The following ZFP30 variants were observed in gnomAD, a reference collection of about 807,000 sequenced individuals.
ZFP30 encodes zinc finger protein 30 homolog.
In ZFP30, 16 loss-of-function variants were observed where a neutral mutation model predicts 12.3. That is an observed-to-expected ratio of 1.30 (90% CI 0.88 to 1.98). The LOEUF (loss-of-function observed/expected upper bound fraction) is 1.98. Among genes scored for constraint, ZFP30 ranks in the 30% most tolerant of loss-of-function variants. ZFP30 has a pLI of 0.00. For synonymous variants in ZFP30, 172 were observed against 201.0 expected (o/e 0.86, Z 1.22); for missense variants, 560 against 611.2 (o/e 0.92, Z 0.88).
intron 5 of ZFP30, among the ~76,000 whole-genome samples, chr19:37,637,644 C>T (rs2044357484): frequency 6.6e-6 from 1 of 152,048 alleles, no homozygotes; most frequent in Non-Finnish European, 1.5e-5. Context: ...TGCCCGCCAC[C>T]ACACCTGGCT....
chr19:37,655,147 C>A (rs942230260), intron 1 of ZFP30: 3 of 152,334 alleles, frequency 2.0e-5, no homozygotes, highest in African/African-American at 7.2e-5. Flanking sequence ...GCCTAAGTGG[C>A]TGAAGCGCGG....
chr19:37,646,481 T>C (rs1242321410), intron 3 of ZFP30, among the ~76,000 whole-genome samples: 2 of 152,170 alleles, frequency 1.3e-5, no homozygotes, highest in Admixed American at 6.5e-5. Context: ...GTAAAATATA[T>C]ACCAGATACC....
At chr19:37,649,868 C>G (rs772341540) in intron 2 of ZFP30, among the ~76,000 whole-genome samples, 3 of 151,596 alleles carry the variant, frequency 2.0e-5, no homozygotes, top group African/African-American at 7.3e-5. Context: ...AATAAACACC[C>G]ATTAAAAATG....
At chr19:37,648,116 G>A (rs983332042) in intron 2 of ZFP30, among the ~76,000 whole-genome samples, 2 of 152,162 alleles carry the variant, frequency 1.3e-5, no homozygotes, top group African/African-American at 2.4e-5. Flanking sequence ...GAGACTCTGC[G>A]GCATCAAAGC....
rs554984891 is a variant in ZFP30 at position 37,640,376 on chromosome 19, T to C, written c.235+2889A>G. Among the ~76,000 whole-genome samples the C allele has an allele frequency of 4.7e-5, 7 of 150,294 alleles. No individual in the cohort carries two copies. The South Asian group carries it at 1.5e-3, about 31-fold the overall frequency. ...CAAAAACATGTATGTAAAATATGTA[T>C]ATATTTTAATTTTAATATTAACATT... On this transcript the variant is annotated intron_variant, in intron 5 of 5. Coordinates refer to ENST00000684514, the MANE Select transcript of ZFP30 (RefSeq NM_001320669.3).
At chr19:37,652,340 G>C (rs2044667623) in intron 2 of ZFP30, among the ~76,000 whole-genome samples, 1 of 152,288 alleles carries the variant, frequency 6.6e-6, no homozygotes, top group African/African-American at 2.4e-5. Flanking sequence ...GCTGAGGCAG[G>C]TGGATTGTCT....
At chr19:37,655,642 A>T (rs953133770), upstream of ZFP30, 13 of 152,490 alleles carry the variant, frequency 8.5e-5, no homozygotes, top group Admixed American at 8.5e-4. Flanking sequence ...CTCTACCTGT[A>T]ATGGCCGCCC....
intron 5 of ZFP30, among the ~76,000 whole-genome samples, chr19:37,641,089 G>C (rs894630308): frequency 6.6e-6 from 1 of 152,114 alleles, no homozygotes; most frequent in African/African-American, 2.4e-5. Context: ...AGAAACAACT[G>C]AAAGAAAAAT....
intron 2 of ZFP30, among the ~76,000 whole-genome samples, chr19:37,653,872 T>C (rs556764926): frequency 6.6e-6 from 1 of 152,348 alleles, no homozygotes; most frequent in East Asian, 1.9e-4. Flanking sequence ...TCCAAGGACT[T>C]ATGTTACCAA....
chr19:37,651,104 A>G (rs935863837), intron 2 of ZFP30, among the ~76,000 whole-genome samples: 8 of 152,170 alleles, frequency 5.3e-5, no homozygotes, highest in African/African-American at 1.7e-4. Flanking sequence ...CATTACTGTG[A>G]CTAAACATTG....
chr19:37,639,380 C>T (rs925226548), intron 5 of ZFP30, among the ~76,000 whole-genome samples: 1 of 152,090 alleles, frequency 6.6e-6, no homozygotes, highest in Non-Finnish European at 1.5e-5. Flanking sequence ...AGTCAAAAAT[C>T]GAATTAAAGG....
At chr19:37,653,670 G>A (rs2044697557) in intron 2 of ZFP30, among the ~76,000 whole-genome samples, 1 of 152,012 alleles carries the variant, frequency 6.6e-6, no homozygotes, top group Admixed American at 6.6e-5. Context: ...AGAACATCCC[G>A]AAAGTCATTA....
chr19:37,639,131 C>CA (rs1568381529), intron 5 of ZFP30, among the ~76,000 whole-genome samples: 1 of 151,510 alleles, frequency 6.6e-6, no homozygotes, highest in Non-Finnish European at 1.5e-5. Context: ...TCTCCCCATC[C>CA]AAAAAAAGCA....
chr19:37,645,263 T>G (rs2044520324), intron 3 of ZFP30, among the ~76,000 whole-genome samples: 1 of 152,036 alleles, frequency 6.6e-6, no homozygotes, highest in Admixed American at 6.6e-5. Flanking sequence ...TGATACATGT[T>G]CACTTCATAC....
intron 5 of ZFP30, among the ~76,000 whole-genome samples, chr19:37,639,157 G>C (rs2044387373): frequency 6.6e-6 from 1 of 152,112 alleles, no homozygotes; most frequent in South Asian, 2.1e-4. Flanking sequence ...AAATATGGCA[G>C]TTGTCTAGAA....
chr19:37,648,806 C>G (rs1308219760), intron 2 of ZFP30, among the ~76,000 whole-genome samples: 1 of 152,176 alleles, frequency 6.6e-6, no homozygotes, highest in Non-Finnish European at 1.5e-5. Context: ...CAAGGCTTAA[C>G]TCAGAGCTCT....
intron 5 of ZFP30, among the ~76,000 whole-genome samples, chr19:37,641,167 TTCA>T (rs1318470293): frequency 2.6e-5 from 4 of 152,226 alleles, no homozygotes; most frequent in Non-Finnish European, 5.9e-5. Flanking sequence ...GTGGTTTTAC[TTCA>T]TCAATTGGTT....
chr19:37,654,660 CGGAA>C (rs766753907), intron 2 of ZFP30, 48 bp downstream of exon 2: 1 of 152,162 alleles, frequency 6.6e-6, no homozygotes, highest in Non-Finnish European at 1.5e-5. Flanking sequence ...GGATTTTAAA[CGGAA>C]GGAACTCGAA....
At chr19:37,650,630 C>A (rs1376448989) in intron 2 of ZFP30, among the ~76,000 whole-genome samples, 1 of 152,068 alleles carries the variant, frequency 6.6e-6, no homozygotes, top group Non-Finnish European at 1.5e-5. Flanking sequence ...ATTACATATT[C>A]ACTTACTACT....
Sources: gnomAD v4.1 joint callset for allele counts (sites outside exome capture counted in the v4.1 genomes callset) on GRCh38, gnomAD v4.1.1 for gene constraint, MANE v1.5 for transcripts, NCBI Gene and HGNC (gene_info 2026-07-23, HGNC 2026-07-21) for gene names.